Variants in TSPAN19 observed in about 807,000 individuals in gnomAD.
The protein encoded by TSPAN19 is tetraspanin-19.
A neutral mutation model predicts 35.1 loss-of-function variants in TSPAN19; 44 were observed. The observed-to-expected ratio is 1.25, with a 90% confidence interval of 0.98 to 1.61. The LOEUF (loss-of-function observed/expected upper bound fraction) is 1.61. Ranked by LOEUF, TSPAN19 falls within the 40% of genes most tolerant of loss-of-function variation. TSPAN19 has a pLI of 0.00. For missense variants in TSPAN19, 290 were observed against 280.0 expected, an observed-to-expected ratio of 1.04 and a Z score of -0.26; for synonymous variants, 79 against 92.0, an observed-to-expected ratio of 0.86 and a Z score of 0.81.
At chr12:85,017,289 C>A (rs1399391142) in intron 7 of TSPAN19, 167 bp downstream of exon 7, 1 of 608,862 alleles carries the variant, frequency 1.6e-6, no homozygotes, top group Non-Finnish European at 2.8e-6. Flanking sequence ...GGAAATGACA[C>A]TACAATTTAC....
intron 1 of TSPAN19, chr12:85,035,086 G>C (rs1452732553): frequency 1.3e-5 from 2 of 151,992 alleles, no homozygotes; most frequent in African/African-American, 2.4e-5. Context: ...CAATATGAAA[G>C]TCTATTTTAA....
intron 8 of TSPAN19, chr12:85,015,507 A>T (rs1276325233): frequency 6.6e-6 from 1 of 152,600 alleles, no homozygotes; most frequent in East Asian, 1.9e-4. Flanking sequence ...CAGACTGCCC[A>T]ACATGGTGCT....
chr12:85,017,542 T>A lies in TSPAN19; in HGVS notation c.508A>T (p.Asn170Tyr). ...CAAGAACATGGCACCTGTCCTGAAT[T>A]TTCTTTGTTCTTATTCTTTATCCAG... ...TDWIKNKNKE[N>Y]SGQVPCSCTK... is the part of the protein sequence containing the mutation. The change falls in exon 7 of 9, where the codon AAT becomes TAT. Residue 170 changes from asparagine (N) to tyrosine (Y), a missense_variant. Physicochemically the swap from Asn to Tyr is moderately radical, Grantham distance 143. Coordinates refer to ENST00000532498, the MANE Select transcript of TSPAN19 (RefSeq NM_001100917.2). 6.3e-7 allele frequency: 1 copy of A among 1,599,230 alleles called. No individual in the cohort carries two copies. The highest frequency in any genetic ancestry group is 8.5e-7 in the Non-Finnish European group (1 of 1,171,682).
At position 85,026,762 on chromosome 12, in the gene TSPAN19, C is replaced by G. The variant is rs147111290; in HGVS notation, c.264+1137G>C. ...ACTGATATGCCTGTATGGGTAAATA[C>G]TAGATGAATAGCAGCCCTACCTTTG... On this transcript the variant is annotated intron_variant, in intron 4 of 8. Coordinates refer to ENST00000532498, the MANE Select transcript of TSPAN19 (RefSeq NM_001100917.2). 3.0e-4 allele frequency among the ~76,000 whole-genome samples: 45 copies of G among 152,064 alleles called. No individual in the cohort carries two copies. In the East Asian group the frequency reaches 7.7e-3, roughly 26 times the overall value.
rs1877221046 is a variant in TSPAN19, at chr12:85,023,333, T to A, written c.332A>T (p.Lys111Ile). Residue 111 changes from lysine (K) to isoleucine (I), a missense_variant, in exon 5 of 9, where the codon AAA becomes ATA. Transcript: ENST00000532498. The stretch of plus-strand genomic sequence containing the variant: ...AGGATTTACTTTCCATACCTCCTCT[T>A]TCTTTGTGATGATGAATGCTGAAAG... ...VVLSAFIITKKEEVQQLWHDK... is the reference protein window; with the variant it reads ...VVLSAFIITKIEEVQQLWHDK... 6.3e-7 allele frequency: 1 copy of A among 1,581,164 alleles called. No individual in the cohort carries two copies. The highest frequency in any genetic ancestry group is 1.8e-5 in the Admixed American group (1 of 55,376).
chr12:85,017,824 T>G (rs1876902076), intron 6 of TSPAN19, among the ~76,000 whole-genome samples: 1 of 151,836 alleles, frequency 6.6e-6, no homozygotes, highest in South Asian at 2.1e-4. Flanking sequence ...ATTAGTGGCT[T>G]GTGGTTGGAT....
At chr12:85,028,646 C>A (rs917492685) in intron 3 of TSPAN19, among the ~76,000 whole-genome samples, 1 of 152,058 alleles carries the variant, frequency 6.6e-6, no homozygotes, top group African/African-American at 2.4e-5. Context: ...TATGGGAGAA[C>A]AGTGTAGGCA....
intron 4 of TSPAN19, among the ~76,000 whole-genome samples, chr12:85,025,941 T>C (rs543141231): frequency 1.3e-5 from 2 of 152,186 alleles, no homozygotes; most frequent in African/African-American, 2.4e-5. Context: ...CAGAGGAGAA[T>C]AGCAAAAGTG....
At chr12:85,021,379 T>C (rs1285892791) in intron 5 of TSPAN19, among the ~76,000 whole-genome samples, 1 of 152,046 alleles carries the variant, frequency 6.6e-6, no homozygotes, top group African/African-American at 2.4e-5. Flanking sequence ...ATCTGTATTT[T>C]AATACATTTA....
Position 85,023,405 on chromosome 12 carries a change from A to C in TSPAN19, c.265-5T>G. ...CCATGTTATCAATACTGCATACTAA[A>C]ACAAAAGAAAAATAGAGATGATGAC... On this transcript the variant is annotated splice_region_variant and splice_polypyrimidine_tract_variant and intron_variant, in intron 4 of 8. Transcript: ENST00000532498. 6.4e-7 allele frequency: 1 copy of C among 1,567,024 alleles called. No homozygotes were observed. Among genetic ancestry groups the C allele is most frequent in the Non-Finnish European group, 8.7e-7 (1 of 1,154,234 alleles).
intron 4 of TSPAN19, among the ~76,000 whole-genome samples, chr12:85,027,591 T>C (rs1877476230): frequency 6.6e-6 from 1 of 152,172 alleles, no homozygotes; most frequent in Non-Finnish European, 1.5e-5. Flanking sequence ...ATTCTAATTC[T>C]AGCCTTCAGA....
intron 1 of TSPAN19, among the ~76,000 whole-genome samples, chr12:85,034,541 C>G (rs1205033828): frequency 6.6e-6 from 1 of 152,022 alleles, no homozygotes; most frequent in Non-Finnish European, 1.5e-5. Context: ...ATGAAGTTAA[C>G]ATGTTCAAAA....
At position 85,015,907 on chromosome 12, in the gene TSPAN19, A is replaced by G; in HGVS notation, c.659T>C (p.Phe220Ser). Residue 220 changes from phenylalanine (F) to serine (S), a missense_variant, in exon 8 of 9, where the codon TTT (phenylalanine) becomes TCT (serine). Phe to Ser is a radical substitution (Grantham distance 155). Coordinates refer to ENST00000532498, the MANE Select transcript of TSPAN19 (RefSeq NM_001100917.2). ...GCTTACCTCTGAAGTTAAAAGTCCA[A>G]AGTTAATTCCGATTAAGGTTAACAC... ...VNVLTLIGIN[F>S]GLLTSEVFQV... 6.5e-7 allele frequency: 1 copy of G among 1,549,216 alleles called. No individual in the cohort carries two copies. The highest frequency in any genetic ancestry group is 1.4e-5 in the African/African-American group (1 of 73,072).
intron 1 of TSPAN19, among the ~76,000 whole-genome samples, chr12:85,035,977 A>G (rs1247528249): frequency 6.6e-6 from 1 of 151,868 alleles, no homozygotes; most frequent in African/African-American, 2.4e-5. Flanking sequence ...CAAACAACTT[A>G]TTGACTTCTC....
intron 1 of TSPAN19, 88 bp from the exon 2 acceptor site, chr12:85,030,061 C>A (rs1877612687): frequency 2.8e-6 from 3 of 1,057,898 alleles, no homozygotes; most frequent in East Asian, 2.9e-5. Context: ...GCACATTTTT[C>A]TTCTCAAATC....
At chr12:85,020,739 A>C in intron 5 of TSPAN19, among the ~76,000 whole-genome samples, 1 of 152,016 alleles carries the variant, frequency 6.6e-6, no homozygotes, top group East Asian at 1.9e-4. Flanking sequence ...AATTTCCCCT[A>C]GTTTATTACC....
chr12:85,022,170 A>G (rs1216601463), intron 5 of TSPAN19, among the ~76,000 whole-genome samples: 1 of 151,976 alleles, frequency 6.6e-6, no homozygotes, highest in African/African-American at 2.4e-5. Context: ...CAGCTTTCCA[A>G]AACTTACCTG....
In TSPAN19 at chr12:85,028,037, A is replaced by C; in HGVS notation, c.140-14T>G. On this transcript the variant is annotated splice_polypyrimidine_tract_variant and intron_variant, in intron 3 of 8. Coordinates refer to ENST00000532498, the MANE Select transcript of TSPAN19 (RefSeq NM_001100917.2). ...GATTATTTTCATCTGTGAAAAGTAC[A>C]AATTTACTTATTATGAAGTGGTATT... 6.6e-7 allele frequency: 1 copy of C among 1,509,486 alleles called. No individual in the cohort carries two copies. Among genetic ancestry groups the C allele is most frequent in the South Asian group, 1.3e-5 (1 of 79,460 alleles). 93.5% of individuals were successfully genotyped at this position (1,509,486 alleles called of 1,614,324 possible).
intron 1 of TSPAN19, among the ~76,000 whole-genome samples, chr12:85,034,367 A>G: frequency 6.6e-6 from 1 of 152,198 alleles, no homozygotes; most frequent in East Asian, 1.9e-4. Flanking sequence ...ACATTTTCAA[A>G]GGAATATTAG....
Sources: gnomAD v4.1 joint callset for allele counts (sites outside exome capture counted in the v4.1 genomes callset) on GRCh38, gnomAD v4.1.1 for gene constraint, MANE v1.5 for transcripts, NCBI Gene and HGNC (gene_info 2026-07-23, HGNC 2026-07-21) for gene names.